ATP13A5: variants seen among roughly 807,000 people sequenced by gnomAD.
The protein encoded by ATP13A5 is ATPase 13A5.
ATP13A5 carries 149 observed loss-of-function variants against 150.2 expected under a neutral mutation model. That is an observed-to-expected ratio of 0.99 (90% confidence interval 0.87 to 1.14). The LOEUF (loss-of-function observed/expected upper bound fraction) is 1.14, where lower values mean the gene tolerates loss of function less well. Ranked by LOEUF, ATP13A5 falls within the 50% of genes most tolerant of loss-of-function variation. The pLI is 0.00. For synonymous variants in ATP13A5, 497 were observed against 522.2 expected (o/e 0.95, Z 0.66); for missense variants, 1,383 against 1,449.3 (o/e 0.95, Z 0.74).
At chr3:193,314,347 A>C in intron 18 of ATP13A5, 154 bp from the exon 19 acceptor site, 1 of 716,306 alleles carries the variant, frequency 1.4e-6, no homozygotes, top group Non-Finnish European at 2.3e-6. Flanking sequence ...GACTGCCCCT[A>C]CTGGGCAAAC....
chr3:193,376,482 G>A (rs1321757412), intron 1 of ATP13A5, among the ~76,000 whole-genome samples: 3 of 152,166 alleles, frequency 2.0e-5, no homozygotes, highest in African/African-American at 7.2e-5. Flanking sequence ...AAAGTGCTGG[G>A]ATTACAGGCA....
intron 1 of ATP13A5, among the ~76,000 whole-genome samples, chr3:193,374,154 C>T (rs11708812): frequency 1.3e-5 from 2 of 151,838 alleles, no homozygotes; most frequent in Non-Finnish European, 2.9e-5. Context: ...TGAGAAGAGC[C>T]GTCATGATTA....
intron 9 of ATP13A5, among the ~76,000 whole-genome samples, chr3:193,336,089 G>T: frequency 6.6e-6 from 1 of 151,938 alleles, no homozygotes; most frequent in East Asian, 1.9e-4. Flanking sequence ...TTCTAATTTG[G>T]AAATAGTATT....
chr3:193,327,464 C>A (rs1024079154), intron 12 of ATP13A5, among the ~76,000 whole-genome samples: 5 of 152,032 alleles, frequency 3.3e-5, no homozygotes, highest in African/African-American at 1.2e-4. Context: ...CGAGACTGTT[C>A]AGTTCACAGT....
At position 193,278,216 on chromosome 3, in the gene ATP13A5, T is replaced by G. The variant is rs556732177; in HGVS notation, c.3315+1150A>C. On this transcript the variant is annotated intron_variant, in intron 28 of 29. Transcript: ENST00000342358. ...TCTAGTACCAAACTCACTCTGGAGCTTCGTGTTTGATAAATGAATGACTTG... is the reference window on the plus strand; with the variant it reads ...TCTAGTACCAAACTCACTCTGGAGCGTCGTGTTTGATAAATGAATGACTTG... Among the ~76,000 whole-genome samples, 42 of 152,326 alleles carry G rather than the reference T, an allele frequency of 2.8e-4. No homozygotes were observed. The South Asian group carries it at 6.2e-3, about 23-fold the overall frequency.
Position 193,314,268 on chromosome 3 carries a change from C to T in ATP13A5, c.2159-75G>A. 4.7e-6 allele frequency: 7 copies of T among 1,493,414 alleles called. 1 individual carries two copies. The South Asian group carries it at 8.7e-5, about 19-fold the overall frequency. 92.5% of individuals were successfully genotyped at this position (1,493,414 alleles called of 1,614,324 possible). A position where few individuals can be genotyped will look rare whatever the true frequency, so the allele number is the denominator to read the frequency against. On this transcript the variant is annotated intron_variant, in intron 18 of 29. Coordinates refer to ENST00000342358, the MANE Select transcript of ATP13A5 (RefSeq NM_198505.4). The stretch of plus-strand genomic sequence containing the variant: ...CAACAAGAACTGAGGTCTCCCTTTT[C>T]CACTCTGCTTGGTGTTCTTTGAGAG...
intron 5 of ATP13A5, among the ~76,000 whole-genome samples, chr3:193,359,707 C>A (rs1712930534): frequency 6.6e-6 from 1 of 152,146 alleles, no homozygotes; most frequent in Non-Finnish European, 1.5e-5. Flanking sequence ...CCATAGAAAC[C>A]AGCAAACCCT....
chr3:193,288,035 G>T (rs1717790246), intron 26 of ATP13A5, among the ~76,000 whole-genome samples: 1 of 152,156 alleles, frequency 6.6e-6, no homozygotes, highest in Admixed American at 6.6e-5. Context: ...ACTGGAATTA[G>T]AAGTGGAGCC....
At chr3:193,303,618 G>A (rs941151180) in intron 23 of ATP13A5, among the ~76,000 whole-genome samples, 8 of 151,856 alleles carry the variant, frequency 5.3e-5, no homozygotes, top group African/African-American at 1.9e-4. Context: ...CTGTTAATGC[G>A]GTAACAGGTT....
At chr3:193,285,300 T>A (rs1717674668) in intron 26 of ATP13A5, among the ~76,000 whole-genome samples, 184 bp from the exon 27 acceptor site, 1 of 152,228 alleles carries the variant, frequency 6.6e-6, no homozygotes, top group Non-Finnish European at 1.5e-5. Flanking sequence ...AAGTCAAGAT[T>A]GTTCTTTGTC....
chr3:193,314,936 A>C (rs1316123719), intron 18 of ATP13A5, 36 bp downstream of exon 18: 2 of 1,607,434 alleles, frequency 1.2e-6, no homozygotes, highest in South Asian at 2.2e-5. Flanking sequence ...CCTAGGATAC[A>C]ATCAACTTGC....
rs545467259 is a variant in ATP13A5, at chr3:193,354,940, C to CTTTTTTTTTTT, written c.537-745_537-744insAAAAAAAAAAA. ...TCTAGTATGAATCACAACAATGTAA[C>CTTTTTTTTTTT]TTTTTTTTTGAGATGGAGTTTCACT... On this transcript the variant is annotated intron_variant, in intron 5 of 29. Transcript: ENST00000342358. Among the ~76,000 whole-genome samples the CTTTTTTTTTTT allele has an allele frequency of 3.8e-3, 490 of 127,898 alleles. 17 individuals are homozygous for CTTTTTTTTTTT. Among genetic ancestry groups the CTTTTTTTTTTT allele is most frequent in the African/African-American group, 0.012 (390 of 33,560 alleles). 83.9% of individuals were successfully genotyped at this position (127,898 alleles called of 152,430 possible).
intron 6 of ATP13A5, among the ~76,000 whole-genome samples, chr3:193,352,475 G>A (rs6781180): frequency 0.54 from 82,259 of 151,808 alleles, 22,509 homozygotes; most frequent in African/African-American, 0.61. Context: ...ACCAAATGTA[G>A]AGAAATAGTT....
At chr3:193,337,310 C>G (rs1711917495) in intron 9 of ATP13A5, among the ~76,000 whole-genome samples, 1 of 152,084 alleles carries the variant, frequency 6.6e-6, no homozygotes, top group South Asian at 2.1e-4. Flanking sequence ...GAAGTCGTTG[C>G]CCATGCCTAT....
At position 193,314,055 on chromosome 3, in the gene ATP13A5, TG is replaced by T; in HGVS notation, c.2296del (p.Gln766LysfsTer32). ...ASVTWQLVEN[Q>X]ETGPGKKEIY... Reference sequence around the variant, plus strand: ...CACTTTCTTCCCAGGTCCAGTCTCTTGGTTCTCCACCAGCTGCCAGGTCACA... The same window carrying T: ...CACTTTCTTCCCAGGTCCAGTCTCTTGTTCTCCACCAGCTGCCAGGTCACA... On this transcript the variant is annotated frameshift_variant, in exon 19 of 30. Coordinates refer to ENST00000342358, the MANE Select transcript of ATP13A5 (RefSeq NM_198505.4). LOFTEE classifies it high-confidence loss of function. The T allele has an allele frequency of 6.2e-7, 1 of 1,613,506 alleles. No individual in the cohort carries two copies. The highest frequency in any genetic ancestry group is 8.5e-7 in the Non-Finnish European group (1 of 1,179,852).
chr3:193,365,118 G>A (rs1282576850), intron 1 of ATP13A5, among the ~76,000 whole-genome samples: 1 of 152,094 alleles, frequency 6.6e-6, no homozygotes, highest in Non-Finnish European at 1.5e-5. Flanking sequence ...GAGGGATGCT[G>A]ATTATGAATA....
intron 18 of ATP13A5, chr3:193,314,489 G>A (rs1412103713): frequency 2.9e-6 from 1 of 343,820 alleles, no homozygotes; most frequent in Non-Finnish European, 5.4e-6. Context: ...AACTCTTAGT[G>A]GAGAATATAG....
rs939563770 is a variant in ATP13A5 at position 193,370,175 on chromosome 3, C to A, written c.64-5895G>T. On this transcript the variant is annotated intron_variant, in intron 1 of 29. Coordinates refer to ENST00000342358, the MANE Select transcript of ATP13A5 (RefSeq NM_198505.4). ...AAAGAGGTACCACAGCCCTAACAGT[C>A]TTTTTCTAGGCCCAGAATACAAAGG... Among the ~76,000 whole-genome samples, 2 of 152,144 alleles carry A rather than the reference C, an allele frequency of 1.3e-5. 1 individual carries two copies. The highest frequency in any genetic ancestry group is 1.3e-4 in the Admixed American group (2 of 15,262).
intron 12 of ATP13A5, 66 bp downstream of exon 12, chr3:193,331,057 A>G (rs1325524664): frequency 1.7e-5 from 26 of 1,495,850 alleles, no homozygotes; most frequent in Non-Finnish European, 2.3e-5. Context: ...ACATTTTCTG[A>G]GGTTCTTCCC....
Sources: allele counts gnomAD v4.1 joint callset (sites outside exome capture counted in the v4.1 genomes callset), GRCh38; gene constraint gnomAD v4.1.1; transcripts MANE v1.5; gene names NCBI Gene and HGNC (gene_info 2026-07-23, HGNC 2026-07-21).